Variants in SPAG16 observed in about 807,000 individuals in gnomAD.
The protein encoded by SPAG16 is sperm-associated antigen 16 protein.
SPAG16 carries 86 observed loss-of-function variants against 80.4 expected under a neutral mutation model. That is an observed-to-expected ratio of 1.07 (90% confidence interval 0.90 to 1.28). SPAG16 has a LOEUF of 1.28. SPAG16 is among the 50% of genes most tolerant of loss of function. The pLI is 0.00. For synonymous variants in SPAG16, 294 were observed against 265.9 expected (o/e 1.11, Z -1.03); for missense variants, 870 against 765.3 (o/e 1.14, Z -1.61).
At chr2:213,495,404 C>G (rs933924919) in intron 10 of SPAG16, among the ~76,000 whole-genome samples, 6 of 152,318 alleles carry the variant, frequency 3.9e-5, no homozygotes, top group African/African-American at 1.4e-4. Flanking sequence ...AATGAGCTAT[C>G]TCTTTGTGAA....
At chr2:213,721,290 G>A (rs2066523365) in intron 10 of SPAG16, among the ~76,000 whole-genome samples, 1 of 151,124 alleles carries the variant, frequency 6.6e-6, no homozygotes, top group Non-Finnish European at 1.5e-5. Flanking sequence ...GTAGAGATGG[G>A]GTTTCACCAT....
intron 9 of SPAG16, among the ~76,000 whole-genome samples, chr2:213,460,708 G>C (rs577408885): frequency 6.6e-6 from 1 of 152,078 alleles, no homozygotes; most frequent in African/African-American, 2.4e-5. Context: ...TCTTTGAAAG[G>C]TATTACTAAA....
At chr2:213,362,378 A>G (rs1176310748) in intron 7 of SPAG16, among the ~76,000 whole-genome samples, 1 of 152,174 alleles carries the variant, frequency 6.6e-6, no homozygotes, top group Non-Finnish European at 1.5e-5. Context: ...TCCTTCCCTC[A>G]AGTAGGTGGA....
In SPAG16 at chr2:213,945,578, G is replaced by A. The variant is rs552801629; in HGVS notation, c.1400+15433G>A. Among the ~76,000 whole-genome samples, 88 of 152,208 alleles carry A rather than the reference G, an allele frequency of 5.8e-4. 1 individual carries two copies. The South Asian group carries it at 0.013, about 22-fold the overall frequency. On this transcript the variant is annotated intron_variant, in intron 12 of 15. Transcript: ENST00000331683. ...CTTTATATTTGCTGGCAGTTGATTAGATGGTGCTCACCAGATTAAGGGTGG... is the reference window on the plus strand; with the variant it reads ...CTTTATATTTGCTGGCAGTTGATTAAATGGTGCTCACCAGATTAAGGGTGG...
chr2:213,444,761 C>A (rs116429332), intron 9 of SPAG16, among the ~76,000 whole-genome samples: 2,215 of 151,930 alleles, frequency 0.015, 23 homozygotes, highest in South Asian at 0.038. Context: ...TATGAAACCA[C>A]AAAATACCCA....
intron 15 of SPAG16, among the ~76,000 whole-genome samples, chr2:214,271,096 G>A (rs1017858338): frequency 1.3e-5 from 2 of 152,084 alleles, no homozygotes; most frequent in Non-Finnish European, 2.9e-5. Flanking sequence ...AATTTGAAGG[G>A]TAAAGTATAA....
At chr2:213,298,287 C>T (rs930524415) in intron 3 of SPAG16, among the ~76,000 whole-genome samples, 1 of 152,160 alleles carries the variant, frequency 6.6e-6, no homozygotes, top group Admixed American at 6.5e-5. Context: ...ATAGCTTCTT[C>T]TTGGTAGACA....
At chr2:214,013,553 T>C (rs1341940815) in intron 12 of SPAG16, among the ~76,000 whole-genome samples, 1 of 152,184 alleles carries the variant, frequency 6.6e-6, no homozygotes, top group African/African-American at 2.4e-5. Flanking sequence ...TTCTAATATA[T>C]AACCAAGTCG....
intron 15 of SPAG16, among the ~76,000 whole-genome samples, chr2:214,367,500 T>C (rs1699549713): frequency 1.3e-5 from 2 of 152,308 alleles, no homozygotes; most frequent in African/African-American, 4.8e-5. Context: ...GACATTTTAG[T>C]ACTTATGATT....
chr2:213,350,559 A>T lies in SPAG16; in HGVS notation c.676A>T (p.Thr226Ser). Reference protein sequence around the residue: ...LKLHYASYEPTIRVLHEKHHT... With the variant: ...LKLHYASYEPSIRVLHEKHHT... ...GTTACATTATGCATCTTATGAACCG[A>T]CTATAAGGGTGTTACATGAGAAACA... Residue 226 changes from threonine (T) to serine (S), a missense_variant, in exon 7 of 16, where the codon ACT becomes TCT. Thr to Ser is a moderately conservative substitution (Grantham distance 58). Transcript: ENST00000331683. 1 of 1,588,706 alleles carries T rather than the reference A, an allele frequency of 6.3e-7. No individual in the cohort carries two copies. Among genetic ancestry groups the T allele is most frequent in the Non-Finnish European group, 8.5e-7 (1 of 1,171,338 alleles).
At chr2:213,711,358 A>G (rs1392095759) in intron 10 of SPAG16, among the ~76,000 whole-genome samples, 1 of 152,100 alleles carries the variant, frequency 6.6e-6, no homozygotes, top group African/African-American at 2.4e-5. Flanking sequence ...TTTTACTACA[A>G]AAGTTATGCA....
chr2:214,127,803 T>C (rs1364207723), intron 14 of SPAG16, among the ~76,000 whole-genome samples: 1 of 151,870 alleles, frequency 6.6e-6, no homozygotes, highest in Non-Finnish European at 1.5e-5. Flanking sequence ...GGGTGATACT[T>C]AATGAATGAC....
chr2:214,294,093 G>C (rs1419451385), intron 15 of SPAG16, among the ~76,000 whole-genome samples: 2 of 152,218 alleles, frequency 1.3e-5, no homozygotes, highest in Non-Finnish European at 2.9e-5. Context: ...TCTCAGAATG[G>C]TGCCATATTG....
At chr2:214,382,606 C>A (rs919638552) in intron 15 of SPAG16, among the ~76,000 whole-genome samples, 1 of 152,190 alleles carries the variant, frequency 6.6e-6, no homozygotes, top group African/African-American at 2.4e-5. Flanking sequence ...ACCATCCTCT[C>A]TCAGCAACAA....
At chr2:213,702,811 C>A (rs73086651) in intron 10 of SPAG16, among the ~76,000 whole-genome samples, 1 of 151,992 alleles carries the variant, frequency 6.6e-6, no homozygotes, top group African/African-American at 2.4e-5. Flanking sequence ...TGATATATAT[C>A]AAGAAGATTT....
intron 13 of SPAG16, among the ~76,000 whole-genome samples, chr2:214,072,016 C>A (rs988945295): frequency 3.9e-5 from 6 of 151,960 alleles, no homozygotes; most frequent in African/African-American, 1.4e-4. Context: ...TTTTAAGAAA[C>A]AATATCTTAA....
chr2:214,290,072 T>C (rs1693679066), intron 15 of SPAG16, among the ~76,000 whole-genome samples: 1 of 152,196 alleles, frequency 6.6e-6, no homozygotes, highest in Non-Finnish European at 1.5e-5. Context: ...GGGAGACCTT[T>C]CGTTACTGAT....
chr2:214,082,919 T>C (rs948193474), intron 13 of SPAG16, among the ~76,000 whole-genome samples: 1 of 152,068 alleles, frequency 6.6e-6, no homozygotes, highest in African/African-American at 2.4e-5. Flanking sequence ...TAACTTGAAA[T>C]AACTCTACCA....
intron 9 of SPAG16, among the ~76,000 whole-genome samples, chr2:213,411,379 ATATC>A (rs2068957339): frequency 2.0e-5 from 3 of 152,240 alleles, no homozygotes; most frequent in African/African-American, 7.2e-5. Flanking sequence ...TGGATAAACT[ATATC>A]TACTACAACC....
Sources: allele counts gnomAD v4.1 joint callset (sites outside exome capture counted in the v4.1 genomes callset), GRCh38; gene constraint gnomAD v4.1.1; transcripts MANE v1.5; gene names NCBI Gene and HGNC (gene_info 2026-07-23, HGNC 2026-07-21).